Variants in MTMR7 observed in about 807,000 individuals in gnomAD.
The protein encoded by MTMR7 is myotubularin related protein 7, also known as phosphatidylinositol-3-phosphate phosphatase MTMR7.
Under a neutral mutation model 81.2 loss-of-function variants are expected in MTMR7, and 76 were observed. That is an observed-to-expected ratio of 0.94 (90% CI 0.78 to 1.13). The LOEUF is 1.13. Ranked by LOEUF, MTMR7 falls within the 50% of genes most tolerant of loss-of-function variation. The pLI is 0.00. For synonymous variants in MTMR7, 372 were observed against 289.8 expected, an observed-to-expected ratio of 1.28 and a Z score of -2.88; for missense variants, 1,044 against 820.0, an observed-to-expected ratio of 1.27 and a Z score of -3.34.
chr8:17,407,652 T>C lies in MTMR7; in HGVS notation c.24+5617A>G, dbSNP rs556147096. 1.0e-3 allele frequency among the ~76,000 whole-genome samples: 151 copies of C among 151,600 alleles called. 1 individual carries two copies. The highest frequency in any genetic ancestry group is 3.2e-3 in the African/African-American group (133 of 41,370). ...AAAGTATGTTTTGAACACTGAAATA[T>C]GGTACGTTTAAAGAAGCAAACTACA... On this transcript the variant is annotated intron_variant, in intron 1 of 13. Transcript: ENST00000180173.
chr8:17,297,875 A>G lies in MTMR7; in HGVS notation c.*1987T>C, dbSNP rs1249461881. On this transcript the variant is annotated 3_prime_UTR_variant, in exon 14 of 14. Transcript: ENST00000180173. ...TAATAAGCAGACGAACATGTTACAT[A>G]AATTATAATGTCTGTCTTGTAAAAA... 6.6e-6 allele frequency: 1 copy of G among 152,078 alleles called. No individual in the cohort carries two copies. Among genetic ancestry groups the G allele is most frequent in the East Asian group, 1.9e-4 (1 of 5,200 alleles). 9.4% of individuals were successfully genotyped at this position (152,078 alleles called of 1,614,324 possible).
At chr8:17,347,056 C>T (rs1189474827) in intron 5 of MTMR7, among the ~76,000 whole-genome samples, 1 of 151,808 alleles carries the variant, frequency 6.6e-6, no homozygotes, top group Non-Finnish European at 1.5e-5. Context: ...ATTAGCTGGG[C>T]CGGGTGGCAC....
intron 5 of MTMR7, among the ~76,000 whole-genome samples, chr8:17,347,370 C>G (rs901750721): frequency 1.3e-5 from 2 of 152,174 alleles, no homozygotes; most frequent in Non-Finnish European, 2.9e-5. Flanking sequence ...ACAGAACTTT[C>G]ACCACCAAAT....
intron 1 of MTMR7, among the ~76,000 whole-genome samples, chr8:17,378,784 G>A (rs536621651): frequency 6.6e-6 from 1 of 152,138 alleles, no homozygotes; most frequent in Non-Finnish European, 1.5e-5. Context: ...AAGCTATTGT[G>A]TCATTTCATT....
chr8:17,404,214 T>C lies in MTMR7; in HGVS notation c.24+9055A>G, dbSNP rs376790971. Reference sequence around the variant, plus strand: ...TAGGGTGGTAGGAACGGAGGTGGGATAACCTGGATAAGGTGAGGATTTACT... The same window carrying C: ...TAGGGTGGTAGGAACGGAGGTGGGACAACCTGGATAAGGTGAGGATTTACT... On this transcript the variant is annotated intron_variant, in intron 1 of 13. Transcript: ENST00000180173. 1.1e-4 allele frequency among the ~76,000 whole-genome samples: 17 copies of C among 152,174 alleles called. No homozygotes were observed. The East Asian group carries it at 2.9e-3, about 26-fold the overall frequency.
chr8:17,331,532 A>T (rs1441812802), intron 6 of MTMR7, among the ~76,000 whole-genome samples: 2 of 152,242 alleles, frequency 1.3e-5, no homozygotes, highest in East Asian at 3.8e-4. Context: ...GTCTACTGAT[A>T]AACCCTTCTG....
intron 8 of MTMR7, among the ~76,000 whole-genome samples, chr8:17,312,356 C>T (rs1817829299): frequency 6.6e-6 from 1 of 152,058 alleles, no homozygotes; most frequent in Non-Finnish European, 1.5e-5. Context: ...GGGTGGATCA[C>T]CTGAGGTCAG....
Position 17,408,870 on chromosome 8 carries a change from C to T in MTMR7, c.24+4399G>A, listed in dbSNP as rs113651629. Among the ~76,000 whole-genome samples the T allele has an allele frequency of 9.6e-3, 1,464 of 152,130 alleles. 31 individuals are homozygous for T. The highest frequency in any genetic ancestry group is 0.032 in the African/African-American group (1,327 of 41,508). On this transcript the variant is annotated intron_variant, in intron 1 of 13. Transcript: ENST00000180173. ...ACTAATGGATTTCTTTTGGGGGTGACAAAAGTGTTCTAGAACCAGATGGTG... is the reference window on the plus strand; with the variant it reads ...ACTAATGGATTTCTTTTGGGGGTGATAAAAGTGTTCTAGAACCAGATGGTG...
chr8:17,302,442 TG>T, intron 12 of MTMR7, 162 bp from the exon 13 acceptor site: 1 of 738,058 alleles, frequency 1.4e-6, no homozygotes, highest in Non-Finnish European at 2.1e-6. Flanking sequence ...TTCATGTTGA[TG>T]TTTTTTTTCT....
In MTMR7 at chr8:17,297,387, T is replaced by C. The variant is rs1816749189; in HGVS notation, c.*2475A>G. 1 of 152,094 alleles carries C rather than the reference T, an allele frequency of 6.6e-6. No individual in the cohort carries two copies. The highest frequency in any genetic ancestry group is 1.5e-5 in the Non-Finnish European group (1 of 67,962). The allele number at this position is 152,094 out of a possible 1,614,324, so 9.4% of individuals were successfully genotyped here. A position where few individuals can be genotyped will look rare whatever the true frequency, so the allele number is the denominator to read the frequency against. ...CAGAATAGAGGGTGCTTGACACATA[T>C]ATATGCTTAAATTGAAGGACAGCTC... On this transcript the variant is annotated 3_prime_UTR_variant, in exon 14 of 14. Transcript: ENST00000180173.
intron 4 of MTMR7, among the ~76,000 whole-genome samples, chr8:17,360,492 T>C (rs970703803): frequency 3.3e-5 from 5 of 151,194 alleles, no homozygotes; most frequent in Non-Finnish European, 7.4e-5. Context: ...TTTTTTTTCC[T>C]TTTGTAAACT....
In MTMR7 at chr8:17,380,499, C is replaced by G. The variant is rs1368994637; in HGVS notation, c.25-7259G>C. Among the ~76,000 whole-genome samples the G allele has an allele frequency of 2.0e-5, 3 of 151,968 alleles. No homozygotes were observed. The East Asian group carries it at 5.8e-4, about 29-fold the overall frequency. On this transcript the variant is annotated intron_variant, in intron 1 of 13. Transcript: ENST00000180173. ...TCTCCAACCTTTCGGCTTCCCTGAG[C>G]CACACTGGAAGAAGACGAACTGTAT... is the stretch of plus-strand genomic sequence containing the variant.
intron 4 of MTMR7, among the ~76,000 whole-genome samples, chr8:17,350,458 G>C: frequency 6.6e-6 from 1 of 152,200 alleles, no homozygotes; most frequent in Non-Finnish European, 1.5e-5. Flanking sequence ...ATTAGATCTT[G>C]TGAGACTTAT....
intron 4 of MTMR7, among the ~76,000 whole-genome samples, chr8:17,360,648 G>C (rs1820032179): frequency 6.6e-6 from 1 of 152,036 alleles, no homozygotes; most frequent in South Asian, 2.1e-4. Flanking sequence ...ATTCCTTCCT[G>C]TGAGTGTAGA....
chr8:17,350,055 G>A (rs1158976344), intron 4 of MTMR7, among the ~76,000 whole-genome samples: 1 of 152,194 alleles, frequency 6.6e-6, no homozygotes, highest in Non-Finnish European at 1.5e-5. Flanking sequence ...GTTAGTGGTA[G>A]CAACAGTGAT....
At chr8:17,346,989 G>A (rs760495529) in intron 5 of MTMR7, among the ~76,000 whole-genome samples, 1 of 151,162 alleles carries the variant, frequency 6.6e-6, no homozygotes. Context: ...GAGCACAGGA[G>A]CTCAAGACCA....
intron 1 of MTMR7, among the ~76,000 whole-genome samples, chr8:17,386,197 G>C (rs1216069404): frequency 6.6e-6 from 1 of 152,082 alleles, no homozygotes; most frequent in Admixed American, 6.6e-5. Flanking sequence ...ATCATGCAGT[G>C]AGACCCTGTC....
At position 17,319,755 on chromosome 8, in the gene MTMR7, C is replaced by A. The variant is rs149073672; in HGVS notation, c.866-6354G>T. On this transcript the variant is annotated intron_variant, in intron 7 of 13. Coordinates refer to ENST00000180173, the MANE Select transcript of MTMR7 (RefSeq NM_004686.5). ...CCCAGCTGATGGATACGTGGTGAGA[C>A]GAGGCTCCAGTCTGGCTCCAGTCTG... 4.0e-3 allele frequency among the ~76,000 whole-genome samples: 616 copies of A among 152,248 alleles called. 4 individuals carry two copies. Among genetic ancestry groups the A allele is most frequent in the South Asian group, 0.017 (84 of 4,820 alleles).
chr8:17,300,449 A>G (rs1344365567), intron 13 of MTMR7, among the ~76,000 whole-genome samples: 2 of 152,198 alleles, frequency 1.3e-5, no homozygotes, highest in Admixed American at 6.5e-5. Flanking sequence ...TAGGTTTTCT[A>G]TAATAATAAA....
Sources: gnomAD v4.1 joint callset for allele counts (sites outside exome capture counted in the v4.1 genomes callset) on GRCh38, gnomAD v4.1.1 for gene constraint, MANE v1.5 for transcripts, NCBI Gene and HGNC (gene_info 2026-07-23, HGNC 2026-07-21) for gene names.